Variants in DAB1 observed in about 807,000 individuals in gnomAD.
DAB1 encodes the protein disabled homolog 1.
A neutral mutation model predicts 64.6 loss-of-function variants in DAB1; 15 were observed. The observed-to-expected ratio is 0.23, with a 90% confidence interval of 0.16 to 0.36. DAB1 has a LOEUF of 0.36. Among genes scored for constraint, DAB1 ranks in the 10% least tolerant of loss-of-function variants. DAB1 has a pLI of 1.00. For missense variants in DAB1, 596 were observed against 706.7 expected (o/e 0.84, Z 1.78); for synonymous variants, 235 against 251.9 (o/e 0.93, Z 0.64).
intron 2 of DAB1, among the ~76,000 whole-genome samples, chr1:57,207,730 C>T (rs917010379): frequency 1.3e-5 from 2 of 152,096 alleles, no homozygotes; most frequent in African/African-American, 4.8e-5. Flanking sequence ...AGGCGTGAGC[C>T]ACCGCGCCCG....
At chr1:57,026,944 G>A (rs182342429) in intron 9 of DAB1, among the ~76,000 whole-genome samples, 152 of 152,270 alleles carry the variant, frequency 1.0e-3, no homozygotes, top group African/African-American at 2.5e-3. Flanking sequence ...CACATGCTTT[G>A]TACAAACCTG....
chr1:58,330,264 C>A (rs1662939092), intron 4 of DAB1, among the ~76,000 whole-genome samples: 1 of 152,212 alleles, frequency 6.6e-6, no homozygotes, highest in Non-Finnish European at 1.5e-5. Context: ...TAATCCAGAG[C>A]AAAGCCCCAA....
intron 2 of DAB1, among the ~76,000 whole-genome samples, chr1:57,261,884 T>C (rs987478832): frequency 6.6e-6 from 1 of 152,230 alleles, no homozygotes; most frequent in Non-Finnish European, 1.5e-5. Context: ...ATTGCTATTA[T>C]GTATGGAAGA....
intron 7 of DAB1, among the ~76,000 whole-genome samples, chr1:57,584,034 T>C (rs564594813): frequency 2.0e-5 from 3 of 152,304 alleles, no homozygotes; most frequent in South Asian, 2.1e-4. Context: ...CCTAGCTTAA[T>C]AGGTAGAGAA....
In DAB1 at chr1:57,856,764, A is replaced by AAAAT. The variant is rs550551146; in HGVS notation, n.87+27231_87+27234dup. ...GGGCAGCAGAGTGAGCATCCATCTC[A>AAAAT]AAATAAATAAATAAATAATAAAAAT... On this transcript the variant is annotated intron_variant and non_coding_transcript_variant, in intron 1 of 1. Coordinates refer to the DAB1 transcript ENST00000477280. Among the ~76,000 whole-genome samples, 118 of 152,210 alleles carry AAAAT rather than the reference A, an allele frequency of 7.8e-4. 1 individual carries two copies. In the South Asian group the frequency reaches 0.024, roughly 31 times the overall value.
chr1:58,274,989 G>A (rs1345238154), intron 4 of DAB1, among the ~76,000 whole-genome samples: 1 of 152,090 alleles, frequency 6.6e-6, no homozygotes, highest in Non-Finnish European at 1.5e-5. Context: ...GCTGGGAGCT[G>A]TAGACCGGAG....
At position 58,532,407 on chromosome 1, in the gene DAB1, C is replaced by T. The variant is rs571344501; in HGVS notation, n.33-5072G>A. ...ACTGAATAGTAACACCTTTCAAATG[C>T]TAAAATGGCCAAAACTGATTTTGCA... On this transcript the variant is annotated intron_variant and non_coding_transcript_variant, in intron 1 of 20. Transcript: ENST00000485760. Among the ~76,000 whole-genome samples, 9 of 152,294 alleles carry T rather than the reference C, an allele frequency of 5.9e-5. No individual in the cohort carries two copies. The East Asian group carries it at 1.7e-3, about 29-fold the overall frequency.
intron 1 of DAB1, among the ~76,000 whole-genome samples, chr1:57,420,163 C>G (rs1210171193): frequency 6.6e-6 from 1 of 152,260 alleles, no homozygotes; most frequent in East Asian, 1.9e-4. Flanking sequence ...TGCTAGCATC[C>G]AAAAATGGGG....
intron 3 of DAB1, among the ~76,000 whole-genome samples, chr1:58,467,194 C>T (rs751346518): frequency 3.3e-5 from 5 of 152,178 alleles, no homozygotes; most frequent in African/African-American, 7.2e-5. Flanking sequence ...GTGAGGATAA[C>T]GCCAAACTCT....
intron 2 of DAB1, among the ~76,000 whole-genome samples, chr1:58,522,909 T>C (rs1646289777): frequency 6.6e-6 from 1 of 152,208 alleles, no homozygotes; most frequent in African/African-American, 2.4e-5. Context: ...AGAGGAGAGT[T>C]GGTCTTGCAG....
At chr1:57,687,119 T>A (rs1646707044) in intron 6 of DAB1, among the ~76,000 whole-genome samples, 1 of 152,222 alleles carries the variant, frequency 6.6e-6, no homozygotes, top group Admixed American at 6.5e-5. Context: ...TCTTCACTCA[T>A]GATATATTTC....
intron 5 of DAB1, among the ~76,000 whole-genome samples, chr1:58,127,400 T>G (rs529382373): frequency 0.013 from 1,956 of 151,642 alleles, 79 homozygotes; most frequent in Admixed American, 0.085. Flanking sequence ...TTTCTCCCAT[T>G]TTGTAGGTTG....
chr1:57,969,930 G>A (rs572777132), intron 5 of DAB1, among the ~76,000 whole-genome samples: 6 of 152,126 alleles, frequency 3.9e-5, no homozygotes, highest in African/African-American at 1.2e-4. Context: ...ATGGTATTAA[G>A]AGGTGGGGCC....
At chr1:58,131,474 C>G (rs1358670840) in intron 5 of DAB1, among the ~76,000 whole-genome samples, 24 of 147,074 alleles carry the variant, frequency 1.6e-4, no homozygotes, top group African/African-American at 5.7e-4. Flanking sequence ...AGTCATTCTC[C>G]ATCCAGCTTT....
At chr1:57,856,238 C>T (rs971157912) in intron 1 of DAB1, among the ~76,000 whole-genome samples, 6 of 152,036 alleles carry the variant, frequency 3.9e-5, no homozygotes, top group African/African-American at 1.4e-4. Context: ...ATCATGCCCG[C>T]CTTATAGATT....
rs539056130 is a variant in DAB1, at chr1:58,283,152, G to A, written n.309+60200C>T. 3.1e-4 allele frequency among the ~76,000 whole-genome samples: 46 copies of A among 149,894 alleles called. No homozygotes were observed. In the East Asian group the frequency reaches 6.2e-3, roughly 20 times the overall value. On this transcript the variant is annotated intron_variant and non_coding_transcript_variant, in intron 4 of 20. Transcript: ENST00000485760. Reference sequence around the variant, plus strand: ...CCTTCCCCACCCCCCAAGCCCCAGCGCTCTCCTCTCTTGTTCTCATTCTCA... The same window carrying A: ...CCTTCCCCACCCCCCAAGCCCCAGCACTCTCCTCTCTTGTTCTCATTCTCA...
intron 3 of DAB1, among the ~76,000 whole-genome samples, chr1:58,403,628 A>G (rs1644591134): frequency 6.6e-6 from 1 of 152,130 alleles, no homozygotes; most frequent in Non-Finnish European, 1.5e-5. Context: ...CTGAGCCTCA[A>G]TTTCCTCATG....
chr1:57,729,162 A>C (rs1644994006), intron 6 of DAB1, among the ~76,000 whole-genome samples: 1 of 152,256 alleles, frequency 6.6e-6, no homozygotes, highest in Admixed American at 6.5e-5. Context: ...TATCCACAGA[A>C]AATGTGGCTT....
At chr1:57,600,870 A>C (rs1645568820) in intron 7 of DAB1, among the ~76,000 whole-genome samples, 1 of 152,206 alleles carries the variant, frequency 6.6e-6, no homozygotes, top group African/African-American at 2.4e-5. Flanking sequence ...CAGAGCGCCA[A>C]GGTGAACAGG....
Sources: gnomAD v4.1 joint callset for allele counts (sites outside exome capture counted in the v4.1 genomes callset) on GRCh38, gnomAD v4.1.1 for gene constraint, MANE v1.5 for transcripts, NCBI Gene and HGNC (gene_info 2026-07-23, HGNC 2026-07-21) for gene names.